TMEM156: variants seen among roughly 807,000 people sequenced by gnomAD.
TMEM156 encodes the protein transmembrane protein 156.
A neutral mutation model predicts 30.5 loss-of-function variants in TMEM156; 28 were observed. The ratio of observed to expected loss-of-function variants is 0.92; its 90% confidence interval spans 0.68 to 1.26. The LOEUF is 1.26. TMEM156 is among the 50% of genes most tolerant of loss of function. The probability of loss-of-function intolerance (pLI) is 0.00; values close to 1 mark genes in which losing one functional copy is unlikely to be tolerated. For missense variants in TMEM156, 351 were observed against 340.6 expected (o/e 1.03, Z -0.24); for synonymous variants, 137 against 119.9 (o/e 1.14, Z -0.93).
At chr4:38,991,171 A>G (rs559781944) in intron 3 of TMEM156, among the ~76,000 whole-genome samples, 65 of 150,042 alleles carry the variant, frequency 4.3e-4, no homozygotes, top group African/African-American at 1.5e-3. Flanking sequence ...TAGTTTTTGC[A>G]CAGCAGAGTA....
chr4:39,030,778 G>T (rs1227211771), intron 1 of TMEM156, among the ~76,000 whole-genome samples: 2 of 152,046 alleles, frequency 1.3e-5, no homozygotes, highest in African/African-American at 4.8e-5. Context: ...ACCTACTCCG[G>T]ATAACTATTA....
chr4:38,986,337 T>C lies in TMEM156; in HGVS notation c.822A>G (p.Ser274=). ...TTGTTTACATGCCACAGAACTTACC[T>C]GAAAGAACCTGCACATTCAATGCTC... ...KLRALNVQVL[S]AETTQRLPLD... Residue 274 remains serine (S), a splice_region_variant and synonymous_variant, in exon 5 of 7, where the codon TCA becomes TCG. Coordinates refer to ENST00000381938, the MANE Select transcript of TMEM156 (RefSeq NM_024943.3). The C allele has an allele frequency of 6.2e-7, 1 of 1,612,728 alleles. No homozygotes were observed. Among genetic ancestry groups the C allele is most frequent in the Non-Finnish European group, 8.5e-7 (1 of 1,178,744 alleles).
At chr4:38,977,050 C>T (rs572049452) in intron 5 of TMEM156, among the ~76,000 whole-genome samples, 16 of 152,284 alleles carry the variant, frequency 1.1e-4, no homozygotes, top group East Asian at 3.9e-4. Flanking sequence ...GGACTGCAAG[C>T]GTGCACCACC....
At chr4:38,984,453 C>T (rs1711819894) in intron 5 of TMEM156, among the ~76,000 whole-genome samples, 1 of 150,878 alleles carries the variant, frequency 6.6e-6, no homozygotes, top group African/African-American at 2.4e-5. Flanking sequence ...CTAGTGTTGA[C>T]AACAAGCTGC....
chr4:39,006,814 G>A (rs942860463), intron 1 of TMEM156, among the ~76,000 whole-genome samples: 36 of 152,142 alleles, frequency 2.4e-4, no homozygotes, highest in African/African-American at 6.0e-4. Flanking sequence ...GTGGTAGTGC[G>A]TGTCTGTGGT....
At chr4:39,015,564 C>T (rs1380439409) in intron 1 of TMEM156, among the ~76,000 whole-genome samples, 1 of 152,178 alleles carries the variant, frequency 6.6e-6, no homozygotes, top group Non-Finnish European at 1.5e-5. Context: ...TTACTGATAC[C>T]TTGATTTTAG....
chr4:38,994,944 A>G (rs968456045), intron 2 of TMEM156, among the ~76,000 whole-genome samples: 1 of 152,078 alleles, frequency 6.6e-6, no homozygotes, highest in African/African-American at 2.4e-5. Flanking sequence ...TCTCAAAAAA[A>G]AAAAGAAAAG....
At chr4:38,979,161 T>C (rs1232724148) in intron 5 of TMEM156, among the ~76,000 whole-genome samples, 1 of 152,246 alleles carries the variant, frequency 6.6e-6, no homozygotes, top group Non-Finnish European at 1.5e-5. Flanking sequence ...GGATCCTTCT[T>C]GATGTGCTGC....
In TMEM156 at chr4:39,014,655, G is replaced by C. The variant is rs144502827; in HGVS notation, c.89-15746C>G. Reference sequence around the variant, plus strand: ...GTACCTGTAATCCAGCTACTCGGGAGGCTGAGGCAGGAGACTCTCTTGAAC... The same window carrying C: ...GTACCTGTAATCCAGCTACTCGGGACGCTGAGGCAGGAGACTCTCTTGAAC... On this transcript the variant is annotated intron_variant, in intron 1 of 6. Coordinates refer to ENST00000381938, the MANE Select transcript of TMEM156 (RefSeq NM_024943.3). 1.9e-4 allele frequency among the ~76,000 whole-genome samples: 29 copies of C among 151,772 alleles called. No homozygotes were observed. In the East Asian group the frequency reaches 4.6e-3, roughly 24 times the overall value.
intron 6 of TMEM156, among the ~76,000 whole-genome samples, chr4:38,969,956 T>C (rs566689474): frequency 2.6e-5 from 4 of 152,292 alleles, no homozygotes; most frequent in South Asian, 2.1e-4. Flanking sequence ...AGTAGTTCTA[T>C]TTTAAGTTTT....
intron 1 of TMEM156, among the ~76,000 whole-genome samples, chr4:39,008,514 G>A (rs1179614584): frequency 6.6e-6 from 1 of 151,846 alleles, no homozygotes; most frequent in African/African-American, 2.4e-5. Context: ...TTAATGTTTT[G>A]TTTCAAAGTT....
At chr4:38,992,709 ATATT>A (rs1560366821) in intron 3 of TMEM156, among the ~76,000 whole-genome samples, 1 of 44,258 alleles carries the variant, frequency 2.3e-5, no homozygotes, top group Non-Finnish European at 5.1e-5. Flanking sequence ...TAATATATAT[ATATT>A]ATATATATAT....
intron 1 of TMEM156, among the ~76,000 whole-genome samples, chr4:39,010,078 G>A (rs1292365534): frequency 6.6e-6 from 1 of 152,022 alleles, no homozygotes; most frequent in African/African-American, 2.4e-5. Context: ...AAAATCAGTA[G>A]CATTTCTATA....
chr4:38,991,346 C>G (rs1267385222), intron 3 of TMEM156, among the ~76,000 whole-genome samples: 2 of 151,566 alleles, frequency 1.3e-5, no homozygotes. Flanking sequence ...GCCTCAGTCT[C>G]TGAAGTAGCT....
chr4:39,028,140 G>A (rs1394850788), intron 1 of TMEM156, among the ~76,000 whole-genome samples: 3 of 151,992 alleles, frequency 2.0e-5, no homozygotes, highest in East Asian at 1.9e-4. Flanking sequence ...CACCCGCCTC[G>A]GCCTCCCAAA....
At chr4:38,973,858 A>G (rs984612768) in intron 5 of TMEM156, among the ~76,000 whole-genome samples, 1 of 152,208 alleles carries the variant, frequency 6.6e-6, no homozygotes, top group African/African-American at 2.4e-5. Flanking sequence ...TTATCATTTT[A>G]TCACATTAAG....
chr4:38,971,118 C>T lies in TMEM156; in HGVS notation c.843G>A (p.Leu281=), dbSNP rs758358081. 3.8e-5 allele frequency: 62 copies of T among 1,613,884 alleles called. No individual in the cohort carries two copies. The highest frequency in any genetic ancestry group is 3.9e-5 in the Non-Finnish European group (46 of 1,179,922). Residue 281 remains leucine, a synonymous_variant, in exon 6 of 7, where the codon CTG becomes CTA. Transcript: ENST00000381938. ...GCACTTCCTGGACTTGATCCAAAGG[C>T]AGCCTCTGCGTGGTCTCTGCTATTT... The part of the protein sequence containing the change: ...QVLSAETTQR[L]PLDQVQEVLP...
chr4:39,006,701 G>A (rs751575397), intron 1 of TMEM156, among the ~76,000 whole-genome samples: 3 of 152,102 alleles, frequency 2.0e-5, no homozygotes, highest in Non-Finnish European at 4.4e-5. Flanking sequence ...TGGGTCACTT[G>A]AGTCCAGGAG....
At chr4:38,975,807 T>A (rs1282784442) in intron 5 of TMEM156, among the ~76,000 whole-genome samples, 1 of 152,132 alleles carries the variant, frequency 6.6e-6, no homozygotes, top group East Asian at 1.9e-4. Flanking sequence ...ATGAACCAGA[T>A]GGGATTTCAC....
Sources: gnomAD v4.1 joint callset for allele counts (sites outside exome capture counted in the v4.1 genomes callset) on GRCh38, gnomAD v4.1.1 for gene constraint, MANE v1.5 for transcripts, NCBI Gene and HGNC (gene_info 2026-07-23, HGNC 2026-07-21) for gene names.